The following DCDC2C variants were observed in gnomAD, a reference collection of about 807,000 sequenced individuals.
DCDC2C encodes doublecortin domain containing 2C.
In DCDC2C, 44 loss-of-function variants were observed where a neutral mutation model predicts 45.0. That is an observed-to-expected ratio of 0.98 (90% CI 0.77 to 1.26). The LOEUF (loss-of-function observed/expected upper bound fraction) is 1.26, where lower values mean the gene tolerates loss of function less well. Ranked by LOEUF, DCDC2C falls within the 50% of genes most tolerant of loss-of-function variation. The pLI is 0.00. For synonymous variants in DCDC2C, 187 were observed against 178.8 expected, an observed-to-expected ratio of 1.05 and a Z score of -0.37; for missense variants, 447 against 468.9, an observed-to-expected ratio of 0.95 and a Z score of 0.43.
chr2:3,731,156 A>G (rs1283074503), intron 3 of DCDC2C, among the ~76,000 whole-genome samples: 2 of 152,086 alleles, frequency 1.3e-5, no homozygotes, highest in African/African-American at 2.4e-5. Flanking sequence ...GTAACCTTAT[A>G]GTGTATCCGT....
At chr2:3,707,721 A>C (rs914403783) in intron 1 of DCDC2C, among the ~76,000 whole-genome samples, 8 of 152,178 alleles carry the variant, frequency 5.3e-5, no homozygotes, top group Non-Finnish European at 1.2e-4. Context: ...CACAGCCCCC[A>C]CCAGTCCCTG....
At chr2:3,740,025 C>A (rs1397734074) in intron 3 of DCDC2C, among the ~76,000 whole-genome samples, 1 of 152,236 alleles carries the variant, frequency 6.6e-6, no homozygotes, top group Non-Finnish European at 1.5e-5. Flanking sequence ...GACAAGGGAA[C>A]TTTTCCTGTT....
At chr2:3,771,035 A>G (rs958538756) in intron 8 of DCDC2C, among the ~76,000 whole-genome samples, 1 of 152,222 alleles carries the variant, frequency 6.6e-6, no homozygotes, top group Non-Finnish European at 1.5e-5. Flanking sequence ...GTCAAGCGGC[A>G]ATATTAACAC....
At chr2:3,728,852 A>G (rs1668777426) in intron 3 of DCDC2C, among the ~76,000 whole-genome samples, 1 of 152,210 alleles carries the variant, frequency 6.6e-6, no homozygotes, top group Non-Finnish European at 1.5e-5. Context: ...TGCAGCAGCC[A>G]GATGCTGGAG....
chr2:3,714,977 T>G (rs1668312613), intron 2 of DCDC2C, among the ~76,000 whole-genome samples: 1 of 152,214 alleles, frequency 6.6e-6, no homozygotes, highest in Non-Finnish European at 1.5e-5. Flanking sequence ...TATATGTAAT[T>G]TAAAAGAAAA....
chr2:3,744,814 A>G (rs73144841), intron 4 of DCDC2C, among the ~76,000 whole-genome samples: 2,780 of 152,314 alleles, frequency 0.018, 82 homozygotes, highest in African/African-American at 0.063. Flanking sequence ...GGCGACGAGC[A>G]GGTGGAAGTT....
rs1400370417 is a variant in DCDC2C at position 3,778,840 on chromosome 2, G to T, written c.979G>T (p.Asp327Tyr). The T allele has an allele frequency of 6.4e-7, 1 of 1,551,120 alleles. No individual in the cohort carries two copies. Among genetic ancestry groups the T allele is most frequent in the South Asian group, 1.2e-5 (1 of 84,064 alleles). Residue 327 changes from aspartate to tyrosine, a missense_variant, in exon 9 of 11, where the codon GAT (aspartate) becomes TAT (tyrosine). By Grantham distance (160) the Asp-to-Tyr change is radical (BLOSUM62 -3). Transcript: ENST00000399143. ...GAGACAAGCTGAGATAGTTAAAGAA[G>T]ATGAAGAGATACATGAGAACACCCC... The part of the protein sequence containing the change: ...DQRQAEIVKE[D>Y]EEIHENTPDF...
At chr2:3,797,402 C>A (rs917121044) in intron 10 of DCDC2C, among the ~76,000 whole-genome samples, 1 of 151,448 alleles carries the variant, frequency 6.6e-6, no homozygotes, top group African/African-American at 2.4e-5. Flanking sequence ...TATTTCTTGC[C>A]TTCTTCTAGC....
chr2:3,748,834 C>A (rs1669451874), intron 4 of DCDC2C, among the ~76,000 whole-genome samples: 1 of 152,124 alleles, frequency 6.6e-6, no homozygotes, highest in South Asian at 2.1e-4. Context: ...GTTTGGGACC[C>A]TGTCTGATAA....
intron 9 of DCDC2C, among the ~76,000 whole-genome samples, chr2:3,781,538 T>A (rs1328749955): frequency 1.3e-5 from 2 of 152,194 alleles, no homozygotes; most frequent in Non-Finnish European, 2.9e-5. Flanking sequence ...TGCAAAGTTG[T>A]AAGAAGACAT....
In DCDC2C at chr2:3,727,002, G is replaced by C. The variant is rs1434040274; in HGVS notation, c.340-1G>C. Reference sequence around the variant, plus strand: ...CCCAGGTGTGTTTTTTCCTTTTTCAGATCAAACCAGTGGTGCATTGTGATA... The same window carrying C: ...CCCAGGTGTGTTTTTTCCTTTTTCACATCAAACCAGTGGTGCATTGTGATA... On this transcript the variant is annotated splice_acceptor_variant, in intron 2 of 10. Coordinates refer to ENST00000399143, the MANE Select transcript of DCDC2C (RefSeq NM_001287444.2). LOFTEE classifies it high-confidence loss of function. 6.5e-7 allele frequency: 1 copy of C among 1,550,134 alleles called. No individual in the cohort carries two copies. The highest frequency in any genetic ancestry group is 1.2e-5 in the South Asian group (1 of 83,964).
chr2:3,706,888 C>G (rs998092727), intron 1 of DCDC2C, among the ~76,000 whole-genome samples: 1 of 152,214 alleles, frequency 6.6e-6, no homozygotes, highest in Non-Finnish European at 1.5e-5. Context: ...GTGAAATAAC[C>G]TCTCCAAGAC....
At chr2:3,758,813 C>T (rs1347760915) in intron 6 of DCDC2C, among the ~76,000 whole-genome samples, 9 of 152,190 alleles carry the variant, frequency 5.9e-5, no homozygotes, top group Non-Finnish European at 1.0e-4. Context: ...CACATCTGGC[C>T]GCTAGTGCTG....
intron 2 of DCDC2C, among the ~76,000 whole-genome samples, chr2:3,711,458 A>G (rs1668207472): frequency 6.6e-6 from 1 of 152,212 alleles, no homozygotes; most frequent in Admixed American, 6.5e-5. Context: ...AATACTATGC[A>G]GCCATAAAAA....
At chr2:3,711,361 A>G (rs1189504321) in intron 2 of DCDC2C, among the ~76,000 whole-genome samples, 2 of 152,206 alleles carry the variant, frequency 1.3e-5, no homozygotes, top group South Asian at 2.1e-4. Flanking sequence ...CTGCAGCACT[A>G]TACACAATAG....
intron 10 of DCDC2C, among the ~76,000 whole-genome samples, chr2:3,809,839 T>C (rs1371008761): frequency 2.0e-5 from 3 of 152,028 alleles, no homozygotes; most frequent in Non-Finnish European, 4.4e-5. Flanking sequence ...TGAGAACATG[T>C]GGTGTTTTGT....
At chr2:3,785,455 C>T (rs1670624391) in intron 10 of DCDC2C, among the ~76,000 whole-genome samples, 1 of 151,494 alleles carries the variant, frequency 6.6e-6, no homozygotes, top group South Asian at 2.1e-4. Context: ...CCTGTAGTCA[C>T]TCACTTAGGT....
chr2:3,787,178 G>A (rs367907794), intron 10 of DCDC2C, among the ~76,000 whole-genome samples: 107 of 152,344 alleles, frequency 7.0e-4, no homozygotes, highest in African/African-American at 2.5e-3. Context: ...TGAATGTCAA[G>A]TAATTCTTTG....
At chr2:3,797,217 C>T (rs1044494833) in intron 10 of DCDC2C, among the ~76,000 whole-genome samples, 2 of 152,082 alleles carry the variant, frequency 1.3e-5, no homozygotes, top group African/African-American at 4.8e-5. Context: ...GTGGTGATAT[C>T]CCCTTTATCA....
Sources: gnomAD v4.1 joint callset for allele counts (sites outside exome capture counted in the v4.1 genomes callset) on GRCh38, gnomAD v4.1.1 for gene constraint, MANE v1.5 for transcripts, NCBI Gene and HGNC (gene_info 2026-07-23, HGNC 2026-07-21) for gene names.